Variants in IL4 observed in about 807,000 individuals in gnomAD.
The protein encoded by IL4 is interleukin 4.
In IL4, 10 loss-of-function variants were observed where a neutral mutation model predicts 17.4. The observed-to-expected ratio is 0.57, with a 90% CI of 0.35 to 0.97. The LOEUF (loss-of-function observed/expected upper bound fraction) is 0.97. IL4 is among the 50% of genes least tolerant of loss of function. IL4 has a pLI of 0.01. For missense variants in IL4, 174 were observed against 187.7 expected, an observed-to-expected ratio of 0.93 and a Z score of 0.43; for synonymous variants, 87 against 79.0, an observed-to-expected ratio of 1.10 and a Z score of -0.54.
chr5:132,674,578 G>A, intron 2 of IL4, 72 bp downstream of exon 2: 1 of 1,307,802 alleles, frequency 7.6e-7, no homozygotes, highest in Non-Finnish European at 1.1e-6. Flanking sequence ...CAAGAAACTT[G>A]TCTAATGGAA....
At position 132,680,037 on chromosome 5, in the gene IL4, C is replaced by T; in HGVS notation, c.360+147C>T. The T allele has an allele frequency of 1.4e-6, 1 of 726,512 alleles. No individual in the cohort carries two copies. The highest frequency in any genetic ancestry group is 2.0e-5 in the South Asian group (1 of 50,904). 45.0% of individuals were successfully genotyped at this position (726,512 alleles called of 1,614,324 possible). On this transcript the variant is annotated intron_variant, in intron 3 of 3. Transcript: ENST00000231449. This position sits in a 1 kb window ranked among gnomAD's most constrained non-coding sequence, Gnocchi z 4.3. ...TCAATAAGTATTTGCTGAAGTTCCA[C>T]AAGTGCTGGGTGTGGTTCTAGGTGC...
chr5:132,674,522 A>G lies in IL4; in HGVS notation c.183+16A>G, dbSNP rs1426594425. ...TGCCTCCAAGGTAAGAAGCCGTCCC[A>G]CGGTCTGTTTTAGCAAATGGGGAGA... On this transcript the variant is annotated intron_variant, in intron 2 of 3. Coordinates refer to ENST00000231449, the MANE Select transcript of IL4 (RefSeq NM_000589.4). The G allele has an allele frequency of 2.5e-6, 4 of 1,611,328 alleles. No individual in the cohort carries two copies. The East Asian group carries it at 6.7e-5, about 27-fold the overall frequency.
Position 132,676,128 on chromosome 5 carries a change from GGCCTGGAGGTAAGACT to G in IL4, c.183+1628_183+1643del, listed in dbSNP as rs1464014727. ...GCCTGGAGGAAGGGTGAGGGCTGAG[GGCCTGGAGGTAAGACT>G]GCCTGTGGTTTTAGACCCAGCTCTG... On this transcript the variant is annotated intron_variant, in intron 2 of 3. Coordinates refer to ENST00000231449, the MANE Select transcript of IL4 (RefSeq NM_000589.4). Among the ~76,000 whole-genome samples, 4 of 152,194 alleles carry G rather than the reference GGCCTGGAGGTAAGACT, an allele frequency of 2.6e-5. No homozygotes were observed. In the East Asian group the frequency reaches 7.7e-4, roughly 29 times the overall value.
At chr5:132,682,040 C>G (rs1158926151) in intron 3 of IL4, among the ~76,000 whole-genome samples, 2 of 152,088 alleles carry the variant, frequency 1.3e-5, no homozygotes, top group African/African-American at 4.8e-5. Context: ...ATCCTTCCCA[C>G]CTTTAGGGCT....
rs191513180 is a variant in IL4, at chr5:132,676,387, C to T, written c.183+1881C>T. On this transcript the variant is annotated intron_variant, in intron 2 of 3. Coordinates refer to ENST00000231449, the MANE Select transcript of IL4 (RefSeq NM_000589.4). Reference sequence around the variant, plus strand: ...GCGATGATTCTAAGAAGGAGGGGACCGGGTTGGAAAGGATCAAACCATCCA... The same window carrying T: ...GCGATGATTCTAAGAAGGAGGGGACTGGGTTGGAAAGGATCAAACCATCCA... Among the ~76,000 whole-genome samples the T allele has an allele frequency of 1.6e-4, 25 of 152,188 alleles. No individual in the cohort carries two copies. The East Asian group carries it at 2.9e-3, about 18-fold the overall frequency.
At chr5:132,678,902 T>G (rs1316346992) in intron 2 of IL4, among the ~76,000 whole-genome samples, 3 of 152,192 alleles carry the variant, frequency 2.0e-5, no homozygotes, top group Non-Finnish European at 4.4e-5. Context: ...CATTCCCTTC[T>G]CTAAGGCTAA....
At chr5:132,675,929 A>ATATGTGTGTGTGTGTGTGTGTGTGTGTG (rs150233516) in intron 2 of IL4, among the ~76,000 whole-genome samples, 2 of 140,942 alleles carry the variant, frequency 1.4e-5, no homozygotes, top group African/African-American at 5.5e-5. Flanking sequence ...GTGTATGTAT[A>ATATGTGTGTGTGTGTGTGTGTGTGTGTG]TGTGTGTGTG....
Position 132,680,461 on chromosome 5 carries a change from G to A in IL4, c.360+571G>A, listed in dbSNP as rs1160328991. Among the ~76,000 whole-genome samples the A allele has an allele frequency of 2.0e-5, 3 of 152,216 alleles. No homozygotes were observed. Among genetic ancestry groups the A allele is most frequent in the Non-Finnish European group, 4.4e-5 (3 of 68,040 alleles). ...ACACAAGGCCTTTAGATTCCACCAC[G>A]AGTATGGCAGGGAACACCTGCAGAG... is the stretch of plus-strand genomic sequence containing the variant. On this transcript the variant is annotated intron_variant, in intron 3 of 3. Transcript: ENST00000231449. This position sits in a 1 kb window ranked among gnomAD's most constrained non-coding sequence, Gnocchi z 4.3.
chr5:132,675,263 T>C (rs1026118051), intron 2 of IL4, among the ~76,000 whole-genome samples: 2 of 152,216 alleles, frequency 1.3e-5, no homozygotes, highest in Non-Finnish European at 2.9e-5. Context: ...TTTTGTGCAT[T>C]TCAGTTCCTG....
At chr5:132,678,894 T>C (rs1028111969) in intron 2 of IL4, among the ~76,000 whole-genome samples, 2 of 152,212 alleles carry the variant, frequency 1.3e-5, no homozygotes, top group African/African-American at 4.8e-5. Flanking sequence ...CTCTTGTCCA[T>C]TCCCTTCTCT....
In IL4 at chr5:132,674,024, A is replaced by G; in HGVS notation, c.-27A>G. ...TCTCCTGATAAACTAATTGCCTCAC[A>G]TTGTCACTGCAAATCGACACCTATT... On this transcript the variant is annotated 5_prime_UTR_variant, in exon 1 of 4. Coordinates refer to ENST00000231449, the MANE Select transcript of IL4 (RefSeq NM_000589.4). 6.2e-7 allele frequency: 1 copy of G among 1,610,950 alleles called. No individual in the cohort carries two copies. Among genetic ancestry groups the G allele is most frequent in the Non-Finnish European group, 8.5e-7 (1 of 1,177,272 alleles).
intron 2 of IL4, chr5:132,677,896 C>G (rs899734254): frequency 6.6e-6 from 1 of 152,196 alleles, no homozygotes; most frequent in Non-Finnish European, 1.5e-5. Context: ...GTTTCTTGGC[C>G]CCCAGAGCCC....
chr5:132,678,160 T>C (rs1283724973), intron 2 of IL4, among the ~76,000 whole-genome samples: 2 of 152,206 alleles, frequency 1.3e-5, no homozygotes, highest in South Asian at 2.1e-4. Flanking sequence ...CACAAAGATT[T>C]CTATAGTTTA....
rs115529741 is a variant in IL4, at chr5:132,682,016, G to C, written c.361-470G>C. On this transcript the variant is annotated intron_variant, in intron 3 of 3. Transcript: ENST00000231449. ...GATTCAAACTGAAGCAGTGGCCTGG[G>C]GGTAGCATCTGGAATCCTTCCCACC... 5.8e-3 allele frequency among the ~76,000 whole-genome samples: 881 copies of C among 152,210 alleles called. 9 individuals are homozygous for C. Among genetic ancestry groups the C allele is most frequent in the African/African-American group, 0.02 (830 of 41,538 alleles).
At chr5:132,682,355 A>G (rs1429223602) in intron 3 of IL4, 131 bp from the exon 4 acceptor site, 8 of 588,492 alleles carry the variant, frequency 1.4e-5, no homozygotes, top group South Asian at 2.2e-5. Context: ...GACAACTCCC[A>G]GTCAGGCTAG....
At chr5:132,679,986 G>T (rs938866396) in intron 3 of IL4, 96 bp downstream of exon 3, 4 of 1,023,332 alleles carry the variant, frequency 3.9e-6, no homozygotes, top group Admixed American at 2.9e-5. Context: ...AGCACCCTTG[G>T]TCAACCCATT....
At position 132,674,027 on chromosome 5, in the gene IL4, G is replaced by T; in HGVS notation, c.-24G>T. On this transcript the variant is annotated 5_prime_UTR_variant, in exon 1 of 4. Coordinates refer to ENST00000231449, the MANE Select transcript of IL4 (RefSeq NM_000589.4). ...CCTGATAAACTAATTGCCTCACATT[G>T]TCACTGCAAATCGACACCTATTAAT... 6.2e-7 allele frequency: 1 copy of T among 1,611,662 alleles called. No individual in the cohort carries two copies. The highest frequency in any genetic ancestry group is 8.5e-7 in the Non-Finnish European group (1 of 1,177,964).
intron 2 of IL4, among the ~76,000 whole-genome samples, chr5:132,679,146 T>C (rs898714958): frequency 1.3e-5 from 2 of 152,226 alleles, no homozygotes; most frequent in South Asian, 2.1e-4. Context: ...TTGGGCCATG[T>C]GCTGCTCTCC....
chr5:132,674,348 T>G (rs1581041675), intron 1 of IL4, 111 bp from the exon 2 acceptor site: 1 of 1,373,434 alleles, frequency 7.3e-7, no homozygotes, highest in Non-Finnish European at 1.0e-6. Context: ...TTTCTGAGGG[T>G]TTGTAGGAAG....
Sources: gnomAD v4.1 joint callset for allele counts (sites outside exome capture counted in the v4.1 genomes callset) on GRCh38, gnomAD v4.1.1 for gene constraint, Gnocchi (gnomAD v3.1) non-coding constraint, MANE v1.5 for transcripts, NCBI Gene and HGNC (gene_info 2026-07-23, HGNC 2026-07-21) for gene names.